Variants in GNAL observed in about 807,000 individuals in gnomAD.
GNAL encodes the protein guanine nucleotide-binding protein G(olf) subunit alpha.
Under a neutral mutation model 55.1 loss-of-function variants are expected in GNAL, and 18 were observed. The ratio of observed to expected loss-of-function variants is 0.33; its 90% confidence interval spans 0.23 to 0.48. The LOEUF (loss-of-function observed/expected upper bound fraction) is 0.48, where lower values mean the gene tolerates loss of function less well. Ranked by LOEUF, GNAL falls within the 20% of genes least tolerant of loss-of-function variation. The probability of loss-of-function intolerance (pLI) is 0.99; values close to 1 mark genes in which losing one functional copy is unlikely to be tolerated. For synonymous variants in GNAL, 253 were observed against 237.0 expected, an observed-to-expected ratio of 1.07 and a Z score of -0.62; for missense variants, 412 against 614.1, an observed-to-expected ratio of 0.67 and a Z score of 3.48.
intron 5 of GNAL, among the ~76,000 whole-genome samples, chr18:11,855,115 T>TTG (rs1302399373): frequency 1.2e-4 from 17 of 145,864 alleles, no homozygotes; most frequent in African/African-American, 4.8e-4. Flanking sequence ...GTTGTTGTTG[T>TTG]TTTAGTAGAG....
At chr18:11,857,549 T>C in intron 5 of GNAL, 1 of 985,414 alleles carries the variant, frequency 1.0e-6, no homozygotes, top group Non-Finnish European at 1.2e-6. Context: ...TGAGAAATGA[T>C]GGTTCAGGCA....
chr18:11,759,662 G>A (rs567933598), intron 4 of GNAL, among the ~76,000 whole-genome samples: 1 of 152,376 alleles, frequency 6.6e-6, no homozygotes, highest in Admixed American at 6.5e-5. Flanking sequence ...TGAGCAAGTG[G>A]CCTACACCCA....
At position 11,699,902 on chromosome 18, in the gene GNAL, C is replaced by T. The variant is rs190377568; in HGVS notation, c.376+9963C>T. On this transcript the variant is annotated intron_variant, in intron 1 of 11. Coordinates refer to ENST00000334049, the MANE Select transcript of GNAL (RefSeq NM_182978.4). ...GGGTAGCTTCATGGATTGCCGTACT[C>T]TATGAGGGATGTTGCTGGTGGGGAG... Among the ~76,000 whole-genome samples, 246 of 152,218 alleles carry T rather than the reference C, an allele frequency of 1.6e-3. 1 individual carries two copies. Among genetic ancestry groups the T allele is most frequent in the Non-Finnish European group, 2.5e-3 (167 of 68,020 alleles).
chr18:11,832,841 CAA>C (rs2035416112), intron 5 of GNAL, among the ~76,000 whole-genome samples: 1 of 151,402 alleles, frequency 6.6e-6, no homozygotes, highest in Non-Finnish European at 1.5e-5. Context: ...GTCTGGGTGA[CAA>C]GAGTGAAACT....
chr18:11,880,267 A>G lies in GNAL; in HGVS notation c.1231-722A>G, dbSNP rs140245348. ...GCGAGACTCCATCTCAAACAAACAA[A>G]AAAACAAACAAGCTAATTAGGTGGG... On this transcript the variant is annotated intron_variant, in intron 11 of 11. Transcript: ENST00000334049. Among the ~76,000 whole-genome samples the G allele has an allele frequency of 8.1e-3, 1,212 of 149,412 alleles. 21 individuals carry two copies. The highest frequency in any genetic ancestry group is 0.029 in the African/African-American group (1,162 of 40,680).
In GNAL at chr18:11,884,540, C is replaced by T. The variant is rs1413092723; in HGVS notation, c.*3405C>T. ...GTGAGTGTGAGGACCACAAGGAAGC[C>T]CACCACTCCACAGTAGATGATCAAA... On this transcript the variant is annotated 3_prime_UTR_variant, in exon 12 of 12. Transcript: ENST00000334049. The T allele has an allele frequency of 6.2e-7, 1 of 1,613,910 alleles. No homozygotes were observed. Among genetic ancestry groups the T allele is most frequent in the African/African-American group, 1.3e-5 (1 of 74,904 alleles).
intron 4 of GNAL, among the ~76,000 whole-genome samples, chr18:11,811,885 A>T (rs1171252352): frequency 6.6e-6 from 1 of 152,214 alleles, no homozygotes; most frequent in African/African-American, 2.4e-5. Context: ...TTGTCAGATA[A>T]CTTAGAGGCT....
rs1295689443 is a variant in GNAL, at chr18:11,768,969, TTA to T, written c.624+15032_624+15033del. On this transcript the variant is annotated intron_variant, in intron 4 of 11. Transcript: ENST00000334049. Reference sequence around the variant, plus strand: ...ATTACTATATGTTATATATAATATATTATATATATTATATATTCTATATTATA... The same window carrying T: ...ATTACTATATGTTATATATAATATATTATATATTATATATTCTATATTATA... 3.6e-4 allele frequency among the ~76,000 whole-genome samples: 29 copies of T among 81,652 alleles called. 10 individuals carry two copies. Among genetic ancestry groups the T allele is most frequent in the African/African-American group, 1.6e-3 (26 of 16,762 alleles). The allele number at this position is 81,652 out of a possible 152,430, so 53.6% of individuals were successfully genotyped here. A position where few individuals can be genotyped will look rare whatever the true frequency, so the allele number is the denominator to read the frequency against.
chr18:11,863,938 T>A (rs1219679884), intron 6 of GNAL, among the ~76,000 whole-genome samples: 1 of 152,194 alleles, frequency 6.6e-6, no homozygotes, highest in African/African-American at 2.4e-5. Context: ...GCCCTGACTG[T>A]GGTTGTCAGG....
rs1366981769 is a variant in GNAL, at chr18:11,752,575, C to T, written c.377-278C>T. ...CAAGGCTACCCACCGCCTGCTGCTC[C>T]TGGGTAAGGCCGAGGGGCGCGCGGC... On this transcript the variant is annotated intron_variant, in intron 1 of 11. Coordinates refer to ENST00000334049, the MANE Select transcript of GNAL (RefSeq NM_182978.4). The surrounding 1 kb of genome is among the most constrained non-coding windows in gnomAD (Gnocchi z 4.5). 6.2e-6 allele frequency: 10 copies of T among 1,605,742 alleles called. No individual in the cohort carries two copies. Among genetic ancestry groups the T allele is most frequent in the South Asian group, 3.3e-5 (3 of 90,244 alleles).
chr18:11,692,572 G>T (rs180842850), intron 1 of GNAL, among the ~76,000 whole-genome samples: 197 of 152,194 alleles, frequency 1.3e-3, no homozygotes, highest in African/African-American at 4.6e-3. Context: ...CTTCGGATAT[G>T]CAAGTACTCA....
At chr18:11,813,967 G>A (rs2143586738) in intron 4 of GNAL, among the ~76,000 whole-genome samples, 1 of 152,266 alleles carries the variant, frequency 6.6e-6, no homozygotes, top group South Asian at 2.1e-4. Context: ...TTCTCTAAAT[G>A]TTCAGGAGAA....
intron 4 of GNAL, among the ~76,000 whole-genome samples, chr18:11,814,739 A>G (rs967586906): frequency 2.6e-5 from 4 of 151,890 alleles, no homozygotes; most frequent in Non-Finnish European, 5.9e-5. Context: ...TATACTAAAA[A>G]TACAAAATTA....
At chr18:11,824,109 T>A (rs140264599) in intron 4 of GNAL, among the ~76,000 whole-genome samples, 22 of 152,250 alleles carry the variant, frequency 1.4e-4, no homozygotes, top group Non-Finnish European at 2.8e-4. Flanking sequence ...ATTTTTAAAG[T>A]TCCTTTTTTA....
intron 1 of GNAL, among the ~76,000 whole-genome samples, chr18:11,693,201 A>G (rs1165922552): frequency 6.6e-6 from 1 of 152,216 alleles, no homozygotes; most frequent in Non-Finnish European, 1.5e-5. Flanking sequence ...AAAAGTTATT[A>G]GACTATGAAT....
At chr18:11,862,880 ATTT>A (rs35630944) in intron 6 of GNAL, among the ~76,000 whole-genome samples, 13 of 135,096 alleles carry the variant, frequency 9.6e-5, no homozygotes, top group Admixed American at 2.3e-4. Context: ...GCACTCCACC[ATTT>A]TTTTTTTTTT....
At chr18:11,746,929 T>A (rs2032700889) in intron 1 of GNAL, 24 of 537,458 alleles carry the variant, frequency 4.5e-5, no homozygotes, top group Non-Finnish European at 4.9e-5. Flanking sequence ...CTTAGGACAT[T>A]ACAACAGTTT....
At chr18:11,720,992 T>G (rs2032080140) in intron 1 of GNAL, among the ~76,000 whole-genome samples, 1 of 152,234 alleles carries the variant, frequency 6.6e-6, no homozygotes, top group Non-Finnish European at 1.5e-5. Context: ...AAACAGGTCT[T>G]CAGCAAAAGC....
chr18:11,771,570 G>A lies in GNAL; in HGVS notation c.624+17625G>A, dbSNP rs536626949. On this transcript the variant is annotated intron_variant, in intron 4 of 11. Coordinates refer to ENST00000334049, the MANE Select transcript of GNAL (RefSeq NM_182978.4). ...CTGTCATGTTGGCAAGGGGAAGGTG[G>A]ACACAGCCCTTTGGGAGAAATAGTG... 5.3e-5 allele frequency among the ~76,000 whole-genome samples: 8 copies of A among 152,274 alleles called. No homozygotes were observed. The South Asian group carries it at 8.3e-4, about 16-fold the overall frequency.
Sources: gnomAD v4.1 joint callset for allele counts (sites outside exome capture counted in the v4.1 genomes callset) on GRCh38, gnomAD v4.1.1 for gene constraint, Gnocchi (gnomAD v3.1) non-coding constraint, MANE v1.5 for transcripts, NCBI Gene and HGNC (gene_info 2026-07-23, HGNC 2026-07-21) for gene names.